PDE4D: variants seen among roughly 807,000 people sequenced by gnomAD.
The protein encoded by PDE4D is 3',5'-cyclic-AMP phosphodiesterase 4D.
Under a neutral mutation model 87.4 loss-of-function variants are expected in PDE4D, and 24 were observed. The ratio of observed to expected loss-of-function variants is 0.27; its 90% confidence interval spans 0.20 to 0.39. The LOEUF (loss-of-function observed/expected upper bound fraction) is 0.39, where lower values mean the gene tolerates loss of function less well. Among genes scored for constraint, PDE4D ranks in the 10% least tolerant of loss-of-function variants. PDE4D has a pLI of 1.00. For synonymous variants in PDE4D, 384 were observed against 383.2 expected, an observed-to-expected ratio of 1.00 and a Z score of -0.02; for missense variants, 714 against 1,041.0, an observed-to-expected ratio of 0.69 and a Z score of 4.32.
chr5:59,907,307 T>C (rs1338837126), intron 3 of PDE4D, among the ~76,000 whole-genome samples: 5 of 152,164 alleles, frequency 3.3e-5, no homozygotes, highest in Non-Finnish European at 7.3e-5. Context: ...TCTTATTCAT[T>C]AGTGGTCGGC....
intron 6 of PDE4D, among the ~76,000 whole-genome samples, chr5:59,028,465 T>C (rs563535670): frequency 7.3e-5 from 11 of 149,988 alleles, no homozygotes; most frequent in Non-Finnish European, 1.6e-4. Context: ...TGAGTTCTAC[T>C]GAGTATCTAG....
intron 1 of PDE4D, among the ~76,000 whole-genome samples, chr5:59,763,770 T>C (rs2150799397): frequency 6.6e-6 from 1 of 152,302 alleles, no homozygotes; most frequent in Non-Finnish European, 1.5e-5. Context: ...CTACAAGGCA[T>C]TGCATGTTTA....
At chr5:59,207,798 C>T (rs972820977) in intron 2 of PDE4D, among the ~76,000 whole-genome samples, 3 of 151,498 alleles carry the variant, frequency 2.0e-5, no homozygotes, top group African/African-American at 7.3e-5. Context: ...TTAAATAATT[C>T]ACCTTCACAC....
At chr5:59,708,404 ATAGACTACTAGC>A (rs1753754527) in intron 1 of PDE4D, among the ~76,000 whole-genome samples, 1 of 152,196 alleles carries the variant, frequency 6.6e-6, no homozygotes, top group Non-Finnish European at 1.5e-5. Flanking sequence ...AAATTAATAG[ATAGACTACTAGC>A]TAGACTAATA....
At chr5:59,065,063 TATATACACACAC>T (rs1205859836) in intron 5 of PDE4D, among the ~76,000 whole-genome samples, 12,981 of 109,216 alleles carry the variant, frequency 0.12, 921 homozygotes, top group East Asian at 0.28. Flanking sequence ...ATGTGATATA[TATATACACACAC>T]ACACACACAC....
At chr5:59,856,384 T>TA (rs149942569) in intron 1 of PDE4D, among the ~76,000 whole-genome samples, 1 of 152,134 alleles carries the variant, frequency 6.6e-6, no homozygotes, top group African/African-American at 2.4e-5. Context: ...CACTAATCTA[T>TA]AAAAAATTAT....
intron 5 of PDE4D, among the ~76,000 whole-genome samples, chr5:59,170,769 A>AT (rs1334509406): frequency 6.6e-6 from 1 of 152,138 alleles, no homozygotes; most frequent in Non-Finnish European, 1.5e-5. Context: ...TATTATGGGA[A>AT]TTTTTTAACC....
At chr5:60,114,700 G>A (rs1777981157) in intron 2 of PDE4D, among the ~76,000 whole-genome samples, 1 of 152,016 alleles carries the variant, frequency 6.6e-6, no homozygotes, top group Non-Finnish European at 1.5e-5. Context: ...GGCTGCAAAG[G>A]AACTCTCATC....
intron 2 of PDE4D, among the ~76,000 whole-genome samples, chr5:60,051,129 C>T (rs1039732076): frequency 6.6e-6 from 1 of 152,100 alleles, no homozygotes; most frequent in Admixed American, 6.6e-5. Context: ...TTAGACACAT[C>T]ATTGAGACAG....
intron 2 of PDE4D, among the ~76,000 whole-genome samples, chr5:60,038,868 A>C (rs1768125606): frequency 1.3e-5 from 2 of 151,752 alleles, no homozygotes; most frequent in South Asian, 4.2e-4. Flanking sequence ...AGAGAAATGC[A>C]AATCAAAACC....
intron 1 of PDE4D, among the ~76,000 whole-genome samples, chr5:59,523,653 A>T (rs1812605681): frequency 6.6e-6 from 1 of 152,254 alleles, no homozygotes; most frequent in Admixed American, 6.5e-5. Context: ...ATAAGTAAAT[A>T]AAAAGATACA....
intron 1 of PDE4D, among the ~76,000 whole-genome samples, chr5:59,643,338 A>T (rs944507478): frequency 6.6e-6 from 1 of 152,212 alleles, no homozygotes; most frequent in Non-Finnish European, 1.5e-5. Flanking sequence ...GAGGGAACTC[A>T]GGGACATCTG....
chr5:59,143,832 A>G lies in PDE4D; in HGVS notation c.808+36763T>C, dbSNP rs80192664. On this transcript the variant is annotated intron_variant, in intron 5 of 14. Transcript: ENST00000340635. ...TCCCAGCTGACTTGATTCTAGACCT[A>G]GAACTTGGAACCAATAATAAATTGG... Among the ~76,000 whole-genome samples the G allele has an allele frequency of 3.1e-3, 469 of 152,354 alleles. 10 individuals are homozygous for G. The East Asian group carries it at 0.056, about 18-fold the overall frequency.
chr5:59,741,056 C>A (rs1259384066), intron 1 of PDE4D, among the ~76,000 whole-genome samples: 1 of 152,104 alleles, frequency 6.6e-6, no homozygotes, highest in Non-Finnish European at 1.5e-5. Flanking sequence ...CAAACAAAAA[C>A]CTCAAGAGGG....
At chr5:59,294,434 T>A (rs1045318577) in intron 1 of PDE4D, among the ~76,000 whole-genome samples, 1 of 152,116 alleles carries the variant, frequency 6.6e-6, no homozygotes, top group Non-Finnish European at 1.5e-5. Flanking sequence ...TTTAAATAGA[T>A]CCTGAAAGCT....
intron 1 of PDE4D, among the ~76,000 whole-genome samples, chr5:59,356,024 A>G (rs1433554463): frequency 6.6e-6 from 1 of 152,224 alleles, no homozygotes; most frequent in Non-Finnish European, 1.5e-5. Context: ...TTTCAGTGCT[A>G]TAGATTGTAA....
At chr5:59,502,123 A>G (rs1272978983) in intron 1 of PDE4D, among the ~76,000 whole-genome samples, 1 of 152,166 alleles carries the variant, frequency 6.6e-6, no homozygotes, top group Non-Finnish European at 1.5e-5. Context: ...GTCTCCTAGC[A>G]TAGTGCATTA....
intron 5 of PDE4D, among the ~76,000 whole-genome samples, chr5:59,103,463 A>G (rs561761682): frequency 6.6e-6 from 1 of 151,250 alleles, no homozygotes; most frequent in East Asian, 1.9e-4. Context: ...CGCATTAAAT[A>G]TTGGATTTCT....
intron 1 of PDE4D, chr5:59,586,243 A>G (rs1825099641): frequency 1.0e-6 from 1 of 983,458 alleles, no homozygotes; most frequent in Non-Finnish European, 1.6e-6. Context: ...CCAATACTCT[A>G]GTTCAAGACA....
Sources: gnomAD v4.1 joint callset for allele counts (sites outside exome capture counted in the v4.1 genomes callset) on GRCh38, gnomAD v4.1.1 for gene constraint, MANE v1.5 for transcripts, NCBI Gene and HGNC (gene_info 2026-07-23, HGNC 2026-07-21) for gene names.